The following MTDH variants were observed in gnomAD, a reference collection of about 807,000 sequenced individuals.
MTDH encodes the protein metadherin.
A neutral mutation model predicts 72.7 loss-of-function variants in MTDH; 34 were observed. That is an observed-to-expected ratio of 0.47 (90% CI 0.36 to 0.62). The LOEUF (loss-of-function observed/expected upper bound fraction) is 0.62, where lower values mean the gene tolerates loss of function less well. Ranked by LOEUF, MTDH falls within the 20% of genes least tolerant of loss-of-function variation. The pLI, the probability that MTDH is intolerant of heterozygous loss-of-function variation, is 0.00. For synonymous variants in MTDH, 266 were observed against 268.9 expected, an observed-to-expected ratio of 0.99 and a Z score of 0.10; for missense variants, 677 against 699.4, an observed-to-expected ratio of 0.97 and a Z score of 0.36.
At chr8:97,721,034 G>A (rs1055391822) in intron 10 of MTDH, among the ~76,000 whole-genome samples, 1 of 152,068 alleles carries the variant, frequency 6.6e-6, no homozygotes, top group African/African-American at 2.4e-5. Context: ...ACTTAATGTA[G>A]ATAAGTGAGA....
chr8:97,646,542 C>G (rs1353138762), intron 1 of MTDH, among the ~76,000 whole-genome samples: 1 of 152,060 alleles, frequency 6.6e-6, no homozygotes, highest in Non-Finnish European at 1.5e-5. Flanking sequence ...ATTTCAAAGC[C>G]CTATTTGGGA....
intron 2 of MTDH, among the ~76,000 whole-genome samples, chr8:97,679,943 T>A (rs996525262): frequency 1.3e-5 from 2 of 152,256 alleles, no homozygotes; most frequent in Non-Finnish European, 2.9e-5. Context: ...ACTAGAATTT[T>A]TGGAACTTAT....
chr8:97,670,068 A>G (rs1307026247), intron 2 of MTDH, among the ~76,000 whole-genome samples: 1 of 149,620 alleles, frequency 6.7e-6, no homozygotes, highest in Non-Finnish European at 1.5e-5. Flanking sequence ...TAGTCCCATC[A>G]CTTTAGGAGG....
intron 2 of MTDH, among the ~76,000 whole-genome samples, chr8:97,670,238 C>T (rs953004756): frequency 6.6e-6 from 1 of 152,222 alleles, no homozygotes; most frequent in Non-Finnish European, 1.5e-5. Flanking sequence ...ATCACTTGAA[C>T]TCCGGAGGCG....
At position 97,644,556 on chromosome 8, in the gene MTDH, G is replaced by C; in HGVS notation, c.50G>C (p.Gly17Ala). Reference sequence around the variant, plus strand: ...GAGCTGGCCCAGCAGGCCGAGGAGGGCTCGGCCCGGCTGCGGGAAATGCTC... The same window carrying C: ...GAGCTGGCCCAGCAGGCCGAGGAGGCCTCGGCCCGGCTGCGGGAAATGCTC... ...QDELAQQAEE[G>A]SARLREMLSV... Residue 17 changes from glycine to alanine, a missense_variant, in exon 1 of 12, where the codon GGC becomes GCC. Coordinates refer to ENST00000336273, the MANE Select transcript of MTDH (RefSeq NM_178812.4). 6.2e-7 allele frequency: 1 copy of C among 1,602,146 alleles called. No homozygotes were observed. Among genetic ancestry groups the C allele is most frequent in the Non-Finnish European group, 8.5e-7 (1 of 1,177,666 alleles).
At chr8:97,703,634 A>G (rs960908531) in intron 7 of MTDH, among the ~76,000 whole-genome samples, 1 of 152,226 alleles carries the variant, frequency 6.6e-6, no homozygotes, top group Non-Finnish European at 1.5e-5. Context: ...AATGGTTGGT[A>G]TAAGATGAGT....
At chr8:97,693,783 A>G (rs1054664552) in intron 6 of MTDH, among the ~76,000 whole-genome samples, 1 of 151,818 alleles carries the variant, frequency 6.6e-6, no homozygotes, top group Non-Finnish European at 1.5e-5. Context: ...TGGTGTGATC[A>G]TTGCTCACTG....
intron 1 of MTDH, among the ~76,000 whole-genome samples, chr8:97,660,601 A>G (rs1477169137): frequency 6.6e-6 from 1 of 152,194 alleles, no homozygotes. Context: ...TTATTTTGCC[A>G]TACACCCTGA....
intron 1 of MTDH, among the ~76,000 whole-genome samples, chr8:97,658,671 AG>A (rs1812065703): frequency 6.6e-6 from 1 of 152,230 alleles, no homozygotes; most frequent in Non-Finnish European, 1.5e-5. Context: ...AATGAAGTTT[AG>A]CAGATATAAG....
rs2449512 is a variant in MTDH at position 97,725,681 on chromosome 8, A to G, written c.*1011A>G. 14,775 of 152,620 alleles carry G rather than the reference A, an allele frequency of 0.097. 1,054 individuals are homozygous for G. Among genetic ancestry groups the G allele is most frequent in the East Asian group, 0.3 (1,541 of 5,186 alleles). 9.5% of individuals were successfully genotyped at this position (152,620 alleles called of 1,614,324 possible). A position where few individuals can be genotyped will look rare whatever the true frequency, so the allele number is the denominator to read the frequency against. ...CCTGTAGTGCGTAGAATATGCATCA[A>G]TTTCTTGAAGGAGATTCATGTTTTT... On this transcript the variant is annotated 3_prime_UTR_variant, in exon 12 of 12. Transcript: ENST00000336273.
chr8:97,646,523 A>G (rs1448047280), intron 1 of MTDH, among the ~76,000 whole-genome samples: 2 of 152,234 alleles, frequency 1.3e-5, no homozygotes, highest in African/African-American at 4.8e-5. Flanking sequence ...GATGAAGCAC[A>G]TTGTGAAAAT....
At chr8:97,670,199 C>T (rs1812555367) in intron 2 of MTDH, among the ~76,000 whole-genome samples, 1 of 152,094 alleles carries the variant, frequency 6.6e-6, no homozygotes, top group Admixed American at 6.5e-5. Flanking sequence ...GCCTGTAGTC[C>T]CAGCTATTTG....
At chr8:97,716,598 G>A (rs1814881388) in intron 9 of MTDH, among the ~76,000 whole-genome samples, 1 of 151,910 alleles carries the variant, frequency 6.6e-6, no homozygotes, top group South Asian at 2.1e-4. Flanking sequence ...TGAGGCAGGA[G>A]AATCGCAGGT....
At chr8:97,665,720 G>A (rs1812354949) in intron 2 of MTDH, among the ~76,000 whole-genome samples, 1 of 152,114 alleles carries the variant, frequency 6.6e-6, no homozygotes, top group South Asian at 2.1e-4. Context: ...AGACATAAGG[G>A]GAAGCCTTAG....
chr8:97,667,529 T>C (rs1053477458), intron 2 of MTDH, among the ~76,000 whole-genome samples: 1 of 152,220 alleles, frequency 6.6e-6, no homozygotes, highest in Non-Finnish European at 1.5e-5. Flanking sequence ...CTTATTCATA[T>C]TACTCTTTTT....
chr8:97,693,611 C>A (rs1054633824), intron 6 of MTDH, among the ~76,000 whole-genome samples: 37 of 152,164 alleles, frequency 2.4e-4, no homozygotes, highest in African/African-American at 8.0e-4. Flanking sequence ...CAGGCGTGAG[C>A]CACCATGCCC....
chr8:97,713,981 A>C (rs16896112), intron 9 of MTDH, among the ~76,000 whole-genome samples: 4,808 of 152,334 alleles, frequency 0.032, 276 homozygotes, highest in African/African-American at 0.11. Context: ...TGCTAAACTC[A>C]AAAATAAGTA....
At chr8:97,674,814 CT>C (rs112748148) in intron 2 of MTDH, among the ~76,000 whole-genome samples, 24 of 147,488 alleles carry the variant, frequency 1.6e-4, no homozygotes, top group South Asian at 2.1e-4. Context: ...ACTCAGCATT[CT>C]TTTTTTTTTT....
At chr8:97,720,309 G>C (rs532415944) in intron 10 of MTDH, among the ~76,000 whole-genome samples, 2 of 150,260 alleles carry the variant, frequency 1.3e-5, no homozygotes, top group African/African-American at 2.4e-5. Context: ...AGGTGCAGTG[G>C]CTCAGACCTG....
Sources: gnomAD v4.1 joint callset for allele counts (sites outside exome capture counted in the v4.1 genomes callset) on GRCh38, gnomAD v4.1.1 for gene constraint, MANE v1.5 for transcripts, NCBI Gene and HGNC (gene_info 2026-07-23, HGNC 2026-07-21) for gene names.